IQSEC1: variants seen among roughly 807,000 people sequenced by gnomAD.
IQSEC1 encodes the protein IQ motif and Sec7 domain ArfGEF 1, also known as IQ motif and SEC7 domain-containing protein 1.
A neutral mutation model predicts 91.0 loss-of-function variants in IQSEC1; 31 were observed. That is an observed-to-expected ratio of 0.34 (90% CI 0.26 to 0.46). The LOEUF (loss-of-function observed/expected upper bound fraction) is 0.46. IQSEC1 is among the 20% of genes least tolerant of loss of function. IQSEC1 has a pLI of 1.00. For synonymous variants in IQSEC1, 699 were observed against 662.6 expected, an observed-to-expected ratio of 1.05 and a Z score of -0.84; for missense variants, 1,388 against 1,575.6, an observed-to-expected ratio of 0.88 and a Z score of 2.02.
At chr3:13,063,763 G>A (rs1705147447) in intron 1 of IQSEC1, among the ~76,000 whole-genome samples, 1 of 152,222 alleles carries the variant, frequency 6.6e-6, no homozygotes, top group Non-Finnish European at 1.5e-5. Context: ...CGGCCCCAGT[G>A]CCCCTGGTGG....
Position 12,915,067 on chromosome 3 carries a change from G to C in IQSEC1, c.2190+37C>G, listed in dbSNP as rs200625167. On this transcript the variant is annotated intron_variant, in intron 8 of 13. Coordinates refer to ENST00000613206, the MANE Select transcript of IQSEC1 (RefSeq NM_001134382.3). ...TGATGCTGGGCCTCCCCAGGGCGGC[G>C]GGCTACCCACAAAGGTAAAACCAGA... is the stretch of plus-strand genomic sequence containing the variant. 2.0e-4 allele frequency: 323 copies of C among 1,583,854 alleles called. 1 individual carries two copies. In the African/African-American group the frequency reaches 3.8e-3, roughly 19 times the overall value.
chr3:13,018,927 C>T (rs983533489), intron 1 of IQSEC1, among the ~76,000 whole-genome samples: 12 of 152,314 alleles, frequency 7.9e-5, no homozygotes, highest in South Asian at 6.2e-4. Context: ...GTGTGCTTCC[C>T]ACTTCATCAC....
intron 2 of IQSEC1, among the ~76,000 whole-genome samples, chr3:13,083,231 C>A (rs1188679562): frequency 6.6e-6 from 1 of 152,178 alleles, no homozygotes; most frequent in East Asian, 1.9e-4. Flanking sequence ...GAGAGAGGAC[C>A]TACGTGCCTA....
At chr3:13,054,343 C>T (rs1319700319) in intron 1 of IQSEC1, among the ~76,000 whole-genome samples, 2 of 152,198 alleles carry the variant, frequency 1.3e-5, no homozygotes, top group African/African-American at 4.8e-5. Context: ...AGTGTTGGAC[C>T]ATTCTTAGGG....
At chr3:13,223,376 C>T (rs530466367) in intron 1 of IQSEC1, among the ~76,000 whole-genome samples, 42 of 152,332 alleles carry the variant, frequency 2.8e-4, no homozygotes, top group Non-Finnish European at 4.3e-4. Context: ...TGCTTCCCCA[C>T]CTCCAGAGAT....
At chr3:13,189,314 G>A (rs971621801) in intron 1 of IQSEC1, among the ~76,000 whole-genome samples, 9 of 152,208 alleles carry the variant, frequency 5.9e-5, no homozygotes, top group Admixed American at 2.0e-4. Flanking sequence ...ACCAGCCCAG[G>A]GAATGCTGAC....
chr3:13,249,812 C>T (rs545999828), intron 1 of IQSEC1, among the ~76,000 whole-genome samples: 2 of 152,326 alleles, frequency 1.3e-5, no homozygotes, highest in East Asian at 3.9e-4. Flanking sequence ...ACAGAGCAGA[C>T]GCTGCAGCCG....
chr3:13,215,667 T>C (rs558670649), intron 1 of IQSEC1, among the ~76,000 whole-genome samples: 1 of 152,278 alleles, frequency 6.6e-6, no homozygotes, highest in East Asian at 1.9e-4. Context: ...GATGTGTTGA[T>C]GGGGCCCAGA....
intron 1 of IQSEC1, among the ~76,000 whole-genome samples, chr3:13,166,944 C>T (rs959831092): frequency 2.0e-5 from 3 of 152,212 alleles, no homozygotes; most frequent in African/African-American, 4.8e-5. Flanking sequence ...GTCCTATGGC[C>T]GAAGGAGCAA....
chr3:12,901,336 G>C lies in IQSEC1; in HGVS notation c.2992C>G (p.Pro998Ala), dbSNP rs1216279310. The C allele has an allele frequency of 2.7e-5, 41 of 1,531,618 alleles. 1 individual carries two copies. Among genetic ancestry groups the C allele is most frequent in the Admixed American group, 2.4e-4 (12 of 50,820 alleles). The allele number at this position is 1,531,618 out of a possible 1,614,324, so 94.9% of individuals were successfully genotyped here. A position where few individuals can be genotyped will look rare whatever the true frequency, so the allele number is the denominator to read the frequency against. Residue 998 changes from proline (P) to alanine (A), a missense_variant, in exon 14 of 14, where the codon CCG (proline) becomes GCG (alanine). Around this residue, in one of 2 missense-constraint regions of IQSEC1, gnomAD observed 329 missense variants for 257.8 expected, o/e 1.28. Coordinates refer to ENST00000613206, the MANE Select transcript of IQSEC1 (RefSeq NM_001134382.3). ...SAPALPPPHP[P>A]VVLPHLQHSV... ...TGCTGCAAGTGAGGCAGGACCACCG[G>C]TGGGTGGGGGGGTGGCAGGGCTGGG...
chr3:13,113,980 C>A (rs1365120016), intron 2 of IQSEC1, among the ~76,000 whole-genome samples: 3 of 152,272 alleles, frequency 2.0e-5, no homozygotes, highest in African/African-American at 7.2e-5. Context: ...GCAGAAGTCT[C>A]CACATACGAT....
intron 1 of IQSEC1, among the ~76,000 whole-genome samples, chr3:12,965,206 A>G (rs1262775447): frequency 2.0e-5 from 3 of 152,242 alleles, no homozygotes; most frequent in Non-Finnish European, 4.4e-5. Context: ...GCAAAGTGCC[A>G]CACACGCTCT....
At chr3:13,142,197 A>G (rs1345109432) in intron 2 of IQSEC1, among the ~76,000 whole-genome samples, 1 of 152,240 alleles carries the variant, frequency 6.6e-6, no homozygotes, top group Non-Finnish European at 1.5e-5. Context: ...ACCATGCTAC[A>G]GTATGTCAGA....
At chr3:13,268,309 G>A (rs1695532127) in intron 1 of IQSEC1, among the ~76,000 whole-genome samples, 2 of 152,330 alleles carry the variant, frequency 1.3e-5, no homozygotes, top group South Asian at 4.1e-4. Context: ...ACCTCTTTGA[G>A]CCTCAGTTTT....
chr3:13,048,610 G>A (rs1704579209), intron 1 of IQSEC1, among the ~76,000 whole-genome samples: 1 of 152,224 alleles, frequency 6.6e-6, no homozygotes, highest in Non-Finnish European at 1.5e-5. Context: ...CCCAGCTTTA[G>A]CCTCCGTTTC....
chr3:13,232,971 G>A (rs1354610558), intron 1 of IQSEC1, among the ~76,000 whole-genome samples: 1 of 152,176 alleles, frequency 6.6e-6, no homozygotes, highest in Non-Finnish European at 1.5e-5. Context: ...GCCCGGGGCT[G>A]GGGGAGGGAG....
intron 2 of IQSEC1, among the ~76,000 whole-genome samples, chr3:13,139,300 T>C (rs374463921): frequency 1.4e-4 from 21 of 152,334 alleles, no homozygotes; most frequent in East Asian, 5.8e-4. Flanking sequence ...TGCTTTATTA[T>C]TTTGTAACAG....
chr3:12,988,139 C>T (rs1701828408), intron 1 of IQSEC1, among the ~76,000 whole-genome samples: 1 of 152,216 alleles, frequency 6.6e-6, no homozygotes, highest in African/African-American at 2.4e-5. Context: ...GACAGCTGGG[C>T]GCGGTGGCTC....
chr3:13,096,598 G>T, intron 2 of IQSEC1, among the ~76,000 whole-genome samples: 1 of 152,182 alleles, frequency 6.6e-6, no homozygotes, highest in African/African-American at 2.4e-5. Flanking sequence ...GTGGCCTGGG[G>T]TTTATGTGAA....
Sources: gnomAD v4.1 joint callset for allele counts (sites outside exome capture counted in the v4.1 genomes callset) on GRCh38, gnomAD v4.1.1 for gene constraint, gnomAD v4.1.1 regional missense constraint, MANE v1.5 for transcripts, NCBI Gene and HGNC (gene_info 2026-07-23, HGNC 2026-07-21) for gene names.